SMAP1: variants seen among roughly 807,000 people sequenced by gnomAD.
SMAP1 encodes the protein small ArfGAP 1.
A neutral mutation model predicts 58.5 loss-of-function variants in SMAP1; 24 were observed. The observed-to-expected ratio is 0.41, with a 90% confidence interval of 0.30 to 0.58. The LOEUF (loss-of-function observed/expected upper bound fraction) is 0.58, where lower values mean the gene tolerates loss of function less well. Among genes scored for constraint, SMAP1 ranks in the 20% least tolerant of loss-of-function variants. The pLI is 0.29. For synonymous variants in SMAP1, 216 were observed against 196.6 expected (o/e 1.10, Z -0.82); for missense variants, 563 against 566.3 (o/e 0.99, Z 0.06).
At chr6:70,770,220 A>G (rs1371953134) in intron 3 of SMAP1, among the ~76,000 whole-genome samples, 1 of 151,328 alleles carries the variant, frequency 6.6e-6, no homozygotes, top group Non-Finnish European at 1.5e-5. Context: ...TCTGACAATT[A>G]TGTGTCTTGG....
At chr6:70,777,294 C>T (rs1220161072) in intron 4 of SMAP1, among the ~76,000 whole-genome samples, 3 of 152,164 alleles carry the variant, frequency 2.0e-5, no homozygotes. Context: ...TCTTCTGCAT[C>T]GTTCACGCTG....
intron 1 of SMAP1, among the ~76,000 whole-genome samples, chr6:70,719,388 A>G (rs1377326646): frequency 6.6e-6 from 1 of 152,250 alleles, no homozygotes; most frequent in African/African-American, 2.4e-5. Flanking sequence ...AATGGAAGCA[A>G]GAATGAAATG....
intron 3 of SMAP1, among the ~76,000 whole-genome samples, 170 bp downstream of exon 3, chr6:70,755,235 T>C (rs1766437835): frequency 6.6e-6 from 1 of 152,024 alleles, no homozygotes; most frequent in African/African-American, 2.4e-5. Context: ...AGGTTTTTAG[T>C]AGGAATTTGG....
chr6:70,850,118 G>A (rs1771128848), intron 7 of SMAP1, among the ~76,000 whole-genome samples: 1 of 152,156 alleles, frequency 6.6e-6, no homozygotes. Flanking sequence ...GGAGTCTAAG[G>A]TACTAAGTAG....
intron 6 of SMAP1, among the ~76,000 whole-genome samples, chr6:70,831,637 T>C (rs1263696128): frequency 6.6e-6 from 1 of 152,200 alleles, no homozygotes; most frequent in Non-Finnish European, 1.5e-5. Context: ...CTTGTGTATA[T>C]GTACCACATT....
chr6:70,835,434 T>C (rs537521206), intron 6 of SMAP1, among the ~76,000 whole-genome samples: 5 of 152,306 alleles, frequency 3.3e-5, no homozygotes, highest in African/African-American at 1.2e-4. Flanking sequence ...AGTTGTGAAT[T>C]CTTCAGGTAG....
Position 70,838,086 on chromosome 6 carries a change from G to A in SMAP1, c.664+1058G>A, listed in dbSNP as rs537254384. ...GCTCTAAATATAATTATGTTGAATT[G>A]TAGTCCTCATAATTTCTTGTTTTAT... is the stretch of plus-strand genomic sequence containing the variant. On this transcript the variant is annotated intron_variant, in intron 7 of 10. Coordinates refer to ENST00000370455, the MANE Select transcript of SMAP1 (RefSeq NM_001044305.3). Among the ~76,000 whole-genome samples, 9 of 152,126 alleles carry A rather than the reference G, an allele frequency of 5.9e-5. No homozygotes were observed. In the East Asian group the frequency reaches 1.7e-3, roughly 29 times the overall value.
chr6:70,805,208 CT>C (rs899450360), intron 6 of SMAP1, among the ~76,000 whole-genome samples: 17 of 152,092 alleles, frequency 1.1e-4, no homozygotes, highest in Non-Finnish European at 2.2e-4. Context: ...TCTTATTACT[CT>C]TTTTTCTCTA....
intron 4 of SMAP1, among the ~76,000 whole-genome samples, chr6:70,781,529 T>C (rs1767763873): frequency 6.6e-6 from 1 of 152,232 alleles, no homozygotes; most frequent in Non-Finnish European, 1.5e-5. Context: ...AGAATTGCTG[T>C]GATAAAATTT....
chr6:70,667,978 TCCG>T lies in SMAP1; in HGVS notation c.-36_-34del, dbSNP rs1259247982. 7 of 1,510,924 alleles carry T rather than the reference TCCG, an allele frequency of 4.6e-6. No homozygotes were observed. Among genetic ancestry groups the T allele is most frequent in the East Asian group, 2.6e-5 (1 of 38,466 alleles). The allele number at this position is 1,510,924 out of a possible 1,614,324, so 93.6% of individuals were successfully genotyped here. A position where few individuals can be genotyped will look rare whatever the true frequency, so the allele number is the denominator to read the frequency against. On this transcript the variant is annotated 5_prime_UTR_variant, in exon 1 of 11. Transcript: ENST00000370455. ...TCACTCTGCCCGGCTCCAGCCAGCG[TCCG>T]CCGCCGCCGTAGCTGCCCCAGGCTC...
intron 2 of SMAP1, 151 bp from the exon 3 acceptor site, chr6:70,754,829 G>T: frequency 6.5e-6 from 3 of 464,408 alleles, no homozygotes; most frequent in Non-Finnish European, 7.8e-6. Context: ...GATTAATTTC[G>T]TAGTTGTGAT....
chr6:70,726,491 A>G (rs1768791859), intron 1 of SMAP1, among the ~76,000 whole-genome samples: 1 of 152,236 alleles, frequency 6.6e-6, no homozygotes, highest in African/African-American at 2.4e-5. Flanking sequence ...AGAAGGCTTT[A>G]TAGAATAAGT....
At chr6:70,850,479 T>C (rs752301545) in intron 7 of SMAP1, among the ~76,000 whole-genome samples, 11 of 151,970 alleles carry the variant, frequency 7.2e-5, no homozygotes, top group Non-Finnish European at 1.5e-4. Context: ...CAGTTTACAT[T>C]GTTTTAGAGG....
In SMAP1 at chr6:70,837,002, A is replaced by C; in HGVS notation, c.638A>C (p.Glu213Ala). ...AGTACCAGCCCTAAAAAAGCTGCGGAGCCCACTGTGGATCTTTTAGGACTT... is the reference window on the plus strand; with the variant it reads ...AGTACCAGCCCTAAAAAAGCTGCGGCGCCCACTGTGGATCTTTTAGGACTT... ...KKSTSPKKAAEPTVDLLGLDG... is the reference protein window; with the variant it reads ...KKSTSPKKAAAPTVDLLGLDG... Residue 213 changes from glutamate (E) to alanine (A), a missense_variant, in exon 7 of 11, where the codon GAG becomes GCG. This residue lies in a region of SMAP1 where 494 missense variants were observed against 473.8 expected (regional missense o/e 1.04). Transcript: ENST00000370455. 6.2e-7 allele frequency: 1 copy of C among 1,600,660 alleles called. No individual in the cohort carries two copies. The highest frequency in any genetic ancestry group is 8.5e-7 in the Non-Finnish European group (1 of 1,174,030).
chr6:70,810,946 TAA>T (rs891753663), intron 6 of SMAP1, among the ~76,000 whole-genome samples: 1 of 152,182 alleles, frequency 6.6e-6, no homozygotes, highest in Non-Finnish European at 1.5e-5. Flanking sequence ...AGACTCTACT[TAA>T]AGTTTATCTC....
intron 10 of SMAP1, chr6:70,858,783 A>AGTT (rs1183937377): frequency 1.8e-4 from 28 of 152,824 alleles, no homozygotes; most frequent in African/African-American, 6.5e-4. Flanking sequence ...ACCTTTGTAA[A>AGTT]GTTGTATTTT....
At chr6:70,807,265 C>G (rs1769175080) in intron 6 of SMAP1, among the ~76,000 whole-genome samples, 1 of 152,210 alleles carries the variant, frequency 6.6e-6, no homozygotes, top group South Asian at 2.1e-4. Flanking sequence ...GTTCCAGAAA[C>G]TATTACTAAT....
At chr6:70,686,388 T>G (rs1487867569) in intron 1 of SMAP1, among the ~76,000 whole-genome samples, 1 of 152,226 alleles carries the variant, frequency 6.6e-6, no homozygotes, top group Non-Finnish European at 1.5e-5. Context: ...GAAAATTGTT[T>G]GGAATTTGTT....
chr6:70,758,376 G>A (rs1242125279), intron 3 of SMAP1, among the ~76,000 whole-genome samples: 1 of 118,910 alleles, frequency 8.4e-6, no homozygotes, highest in African/African-American at 3.1e-5. Context: ...GTGGTGGGGT[G>A]GGGGGAGGGG....
Sources: gnomAD v4.1 joint callset for allele counts (sites outside exome capture counted in the v4.1 genomes callset) on GRCh38, gnomAD v4.1.1 for gene constraint, gnomAD v4.1.1 regional missense constraint, MANE v1.5 for transcripts, NCBI Gene and HGNC (gene_info 2026-07-23, HGNC 2026-07-21) for gene names.